AVEN: variants seen among roughly 807,000 people sequenced by gnomAD.
AVEN encodes the protein apoptosis and caspase activation inhibitor.
AVEN carries 41 observed loss-of-function variants against 38.1 expected under a neutral mutation model. The ratio of observed to expected loss-of-function variants is 1.08; its 90% CI spans 0.84 to 1.40. The LOEUF (loss-of-function observed/expected upper bound fraction) is 1.40. Ranked by LOEUF, AVEN falls within the 40% of genes most tolerant of loss-of-function variation. AVEN has a pLI of 0.00. For synonymous variants in AVEN, 206 were observed against 171.8 expected, an observed-to-expected ratio of 1.20 and a Z score of -1.56; for missense variants, 605 against 438.8, an observed-to-expected ratio of 1.38 and a Z score of -3.38.
chr15:33,858,147 AG>A, downstream of AVEN: 1 of 557,336 alleles, frequency 1.8e-6, no homozygotes, highest in Non-Finnish European at 3.2e-6. Context: ...CCCCGTGGAA[AG>A]GGAAGCACCC....
intron 1 of AVEN, among the ~76,000 whole-genome samples, chr15:34,021,292 T>G (rs2140716416): frequency 6.7e-6 from 1 of 149,206 alleles, no homozygotes; most frequent in South Asian, 2.1e-4. Context: ...TTCTGTATCT[T>G]TTTTTTTTTT....
intron 2 of AVEN, among the ~76,000 whole-genome samples, chr15:33,893,797 A>T (rs1466555444): frequency 6.6e-6 from 1 of 152,112 alleles, no homozygotes; most frequent in Non-Finnish European, 1.5e-5. Context: ...CTGATTAGCT[A>T]CTTCTGGCTC....
intron 2 of AVEN, among the ~76,000 whole-genome samples, chr15:33,884,897 TAA>T (rs138306565): frequency 0.072 from 10,929 of 152,278 alleles, 531 homozygotes; most frequent in South Asian, 0.15. Flanking sequence ...GCAATTCCCA[TAA>T]CTCATTCATC....
chr15:34,015,430 C>T (rs1283064423), intron 1 of AVEN, among the ~76,000 whole-genome samples: 2 of 151,678 alleles, frequency 1.3e-5, no homozygotes, highest in Non-Finnish European at 2.9e-5. Flanking sequence ...TGCAGTGAGC[C>T]GAGATCGCAC....
downstream of AVEN, among the ~76,000 whole-genome samples, chr15:33,863,503 C>G (rs1350191465): frequency 6.6e-6 from 1 of 152,172 alleles, no homozygotes; most frequent in Non-Finnish European, 1.5e-5. Context: ...AGCCTGGTTC[C>G]TTTGGAAACG....
At chr15:33,992,152 C>CAAGA (rs1896749794) in intron 2 of AVEN, 1 of 152,252 alleles carries the variant, frequency 6.6e-6, no homozygotes, top group East Asian at 1.9e-4. Flanking sequence ...TCTGGGAGGC[C>CAAGA]AAGGCAGGGG....
intron 2 of AVEN, among the ~76,000 whole-genome samples, chr15:33,954,802 T>G (rs1320258965): frequency 6.6e-6 from 1 of 152,194 alleles, no homozygotes; most frequent in African/African-American, 2.4e-5. Context: ...TAAAGTATAA[T>G]AAAGACTTTT....
intron 1 of AVEN, among the ~76,000 whole-genome samples, chr15:34,032,192 A>T (rs527474397): frequency 6.6e-6 from 1 of 152,226 alleles, no homozygotes; most frequent in African/African-American, 2.4e-5. Context: ...AGAAATAGTG[A>T]CATCTGAATA....
At chr15:34,006,829 C>CTTCA (rs1484720557) in intron 1 of AVEN, among the ~76,000 whole-genome samples, 1 of 152,058 alleles carries the variant, frequency 6.6e-6, no homozygotes, top group Non-Finnish European at 1.5e-5. Context: ...TTTGATGTAA[C>CTTCA]TGAAAGATGT....
At chr15:33,955,267 TA>T (rs945257995) in intron 2 of AVEN, among the ~76,000 whole-genome samples, 1 of 151,682 alleles carries the variant, frequency 6.6e-6, no homozygotes, top group Non-Finnish European at 1.5e-5. Flanking sequence ...GGTTGAATTT[TA>T]AAAAAAAATC....
intron 2 of AVEN, among the ~76,000 whole-genome samples, chr15:33,881,744 G>C (rs1891493665): frequency 6.6e-6 from 1 of 152,174 alleles, no homozygotes; most frequent in South Asian, 2.1e-4. Flanking sequence ...GACATGCATG[G>C]ACAATTAGAA....
intron 2 of AVEN, chr15:33,972,290 G>A (rs1567441269): frequency 6.6e-6 from 1 of 151,946 alleles, no homozygotes; most frequent in African/African-American, 2.4e-5. Context: ...TTTCACCTTG[G>A]TTCAAGCAGA....
chr15:34,030,489 C>G (rs1360551177), intron 1 of AVEN, among the ~76,000 whole-genome samples: 5 of 151,928 alleles, frequency 3.3e-5, no homozygotes, highest in Admixed American at 1.3e-4. Context: ...GGGACTACAG[C>G]TGCCTGCCAC....
intron 3 of AVEN, among the ~76,000 whole-genome samples, chr15:33,874,782 TG>T (rs1189736129): frequency 2.0e-5 from 3 of 152,192 alleles, no homozygotes; most frequent in African/African-American, 7.2e-5. Flanking sequence ...TTTTGATGAA[TG>T]ACGAAGCTTA....
chr15:34,040,681 A>G (rs1296317114), upstream of AVEN, among the ~76,000 whole-genome samples: 1 of 151,940 alleles, frequency 6.6e-6, no homozygotes, highest in Non-Finnish European at 1.5e-5. Flanking sequence ...TAATCCCAGC[A>G]TTTTGGGAGG....
chr15:33,937,887 T>G (rs1489531756), intron 2 of AVEN, among the ~76,000 whole-genome samples: 2 of 135,428 alleles, frequency 1.5e-5, no homozygotes, highest in African/African-American at 5.5e-5. Context: ...TCATCCAGTA[T>G]ATGGTATTTA....
intron 2 of AVEN, among the ~76,000 whole-genome samples, chr15:33,910,854 T>C (rs909760565): frequency 7.2e-5 from 11 of 152,240 alleles, no homozygotes; most frequent in Non-Finnish European, 1.3e-4. Context: ...CTGCCACTGC[T>C]GACTAGTTAT....
chr15:33,994,667 A>G (rs901475078), intron 2 of AVEN, among the ~76,000 whole-genome samples: 3 of 152,218 alleles, frequency 2.0e-5, no homozygotes, highest in African/African-American at 7.2e-5. Flanking sequence ...GCATCGACAT[A>G]TACATACAGT....
intron 11 of AVEN, among the ~76,000 whole-genome samples, chr15:33,860,361 C>T (rs1887720944): frequency 6.6e-6 from 1 of 152,080 alleles, no homozygotes; most frequent in Admixed American, 6.5e-5. Flanking sequence ...GAAAGAGTTT[C>T]AGGGAGGAGC....
Sources: gnomAD v4.1 joint callset for allele counts (sites outside exome capture counted in the v4.1 genomes callset) on GRCh38, gnomAD v4.1.1 for gene constraint, MANE v1.5 for transcripts, NCBI Gene and HGNC (gene_info 2026-07-23, HGNC 2026-07-21) for gene names.